CCNL1: variants seen among roughly 807,000 people sequenced by gnomAD.
CCNL1 encodes cyclin-L1.
In CCNL1, 13 loss-of-function variants were observed where a neutral mutation model predicts 60.6. The ratio of observed to expected loss-of-function variants is 0.21; its 90% CI spans 0.14 to 0.34. The LOEUF (loss-of-function observed/expected upper bound fraction) is 0.34. Ranked by LOEUF, CCNL1 falls within the 10% of genes least tolerant of loss-of-function variation. The probability of loss-of-function intolerance (pLI) is 1.00; values close to 1 mark genes in which losing one functional copy is unlikely to be tolerated. For missense variants in CCNL1, 481 were observed against 664.3 expected (o/e 0.72, Z 3.03); for synonymous variants, 270 against 244.3 (o/e 1.10, Z -0.98).
At chr3:157,151,508 T>C (rs960126565) in intron 5 of CCNL1, 5 of 985,814 alleles carry the variant, frequency 5.1e-6, no homozygotes, top group African/African-American at 1.7e-5. Flanking sequence ...CAAGCAGTTA[T>C]ATAAATTAAG....
At chr3:157,158,586 C>T (rs947836871) in intron 3 of CCNL1, 5 of 244,478 alleles carry the variant, frequency 2.0e-5, no homozygotes, top group African/African-American at 1.2e-4. Flanking sequence ...AAATGTACTC[C>T]CTTTCTTGTT....
At chr3:157,145,653 G>A (rs560676707), downstream of CCNL1, among the ~76,000 whole-genome samples, 18 of 152,210 alleles carry the variant, frequency 1.2e-4, 1 homozygote, top group South Asian at 3.5e-3. Flanking sequence ...TAAAATACCT[G>A]GTGGATGAGG....
In CCNL1 at chr3:157,149,973, T is replaced by C; in HGVS notation, c.884A>G (p.Asn295Ser). 1 of 1,598,858 alleles carries C rather than the reference T, an allele frequency of 6.3e-7. No homozygotes were observed. The highest frequency in any genetic ancestry group is 1.7e-4 in the Middle Eastern group (1 of 6,048). ...TLRLYTRKKPNYELLEKEVEK... is the reference protein window; with the variant it reads ...TLRLYTRKKPSYELLEKEVEK... ...TACTTCTTTTTCCAGTAATTCATAGTTTGGCTGTTGGAGGAAAAAAAAGTT... is the reference window on the plus strand; with the variant it reads ...TACTTCTTTTTCCAGTAATTCATAGCTTGGCTGTTGGAGGAAAAAAAAGTT... The change falls in exon 8 of 11, where the codon AAC becomes AGC. Residue 295 changes from asparagine to serine, a missense_variant. Physicochemically the swap from Asn to Ser is conservative, Grantham distance 46. Around this residue, in one of 5 missense-constraint regions of CCNL1, gnomAD observed 75 missense variants for 129.6 expected, o/e 0.58. Transcript: ENST00000295926.
At chr3:157,151,048 CAAAG>C (rs929703850) in intron 5 of CCNL1, 2 of 984,828 alleles carry the variant, frequency 2.0e-6, no homozygotes, top group Middle Eastern at 5.2e-4. Context: ...CCTAAACTAT[CAAAG>C]AAATTTTACA....
rs772871583 is a variant in CCNL1 at position 157,149,613 on chromosome 3, TAAC to T, written c.1022-20_1022-18del. On this transcript the variant is annotated intron_variant, in intron 8 of 10. Coordinates refer to ENST00000295926, the MANE Select transcript of CCNL1 (RefSeq NM_020307.4). ...TTGGTGATGCTTTTAAAAGATATAA[TAAC>T]AACATGTTAACTACTGGATTTAACA... The T allele has an allele frequency of 3.1e-6, 5 of 1,602,078 alleles. No homozygotes were observed. Among genetic ancestry groups the T allele is most frequent in the South Asian group, 2.2e-5 (2 of 90,298 alleles).
At position 157,147,817 on chromosome 3, in the gene CCNL1, A is replaced by G; in HGVS notation, c.*424T>C. On this transcript the variant is annotated 3_prime_UTR_variant, in exon 11 of 11. Transcript: ENST00000295926. ...GCAGTTTAGAAAAAACAAGATTTGTATTTTATTTCCTTGTAAAAATCTTTA... is the reference window on the plus strand; with the variant it reads ...GCAGTTTAGAAAAAACAAGATTTGTGTTTTATTTCCTTGTAAAAATCTTTA... 2.0e-6 allele frequency: 2 copies of G among 985,754 alleles called. No individual in the cohort carries two copies. The highest frequency in any genetic ancestry group is 1.7e-5 in the African/African-American group (1 of 57,388). 61.1% of individuals were successfully genotyped at this position (985,754 alleles called of 1,614,324 possible).
At chr3:157,152,914 T>A in intron 4 of CCNL1, 122 bp downstream of exon 4, 1 of 1,513,512 alleles carries the variant, frequency 6.6e-7, no homozygotes, top group Non-Finnish European at 8.8e-7. Flanking sequence ...AGCCTGAACC[T>A]TTAAAAGAAT....
At position 157,160,098 on chromosome 3, in the gene CCNL1, C is replaced by T; in HGVS notation, c.-4G>A. Reference sequence around the variant, plus strand: ...TCGAATGAGGCCCGGACGCCATAGTCTTAGCGAGCCGCACGCAAGCCCAAC... The same window carrying T: ...TCGAATGAGGCCCGGACGCCATAGTTTTAGCGAGCCGCACGCAAGCCCAAC... On this transcript the variant is annotated 5_prime_UTR_variant, in exon 1 of 11. Transcript: ENST00000295926. 3 of 1,538,306 alleles carry T rather than the reference C, an allele frequency of 2.0e-6. No individual in the cohort carries two copies. The highest frequency in any genetic ancestry group is 2.6e-6 in the Non-Finnish European group (3 of 1,140,148).
At position 157,150,169 on chromosome 3, in the gene CCNL1, T is replaced by C. The variant is rs377049102; in HGVS notation, c.775A>G (p.Ile259Val). 1.9e-6 allele frequency: 3 copies of C among 1,611,066 alleles called. No individual in the cohort carries two copies. Among genetic ancestry groups the C allele is most frequent in the Non-Finnish European group, 2.5e-6 (3 of 1,179,140 alleles). ...CAATGGGGACGAGTTGGCAACGGAATCTAAACCATAAGAACAGAATGTTTT... is the reference window on the plus strand; with the variant it reads ...CAATGGGGACGAGTTGGCAACGGAACCTAAACCATAAGAACAGAATGTTTT... ...CIYLAARALQIPLPTRPHWFL... is the reference protein window; with the variant it reads ...CIYLAARALQVPLPTRPHWFL... Residue 259 changes from isoleucine (I) to valine (V), a missense_variant and splice_region_variant, in exon 7 of 11, where the codon ATT becomes GTT. This residue lies in a region of CCNL1 where 75 missense variants were observed against 129.6 expected (regional missense o/e 0.58). Transcript: ENST00000295926.
intron 3 of CCNL1, chr3:157,153,552 G>A (rs1355053167): frequency 6.3e-6 from 1 of 158,906 alleles, no homozygotes; most frequent in Non-Finnish European, 1.4e-5. Flanking sequence ...GCTCCAGGCT[G>A]GTCCGATGGT....
At chr3:157,158,704 T>C (rs760214446) in intron 3 of CCNL1, 162 bp downstream of exon 3, 40 of 524,582 alleles carry the variant, frequency 7.6e-5, no homozygotes, top group Non-Finnish European at 1.2e-4. Context: ...TTTTTTCAAA[T>C]TATTTTAAGT....
Position 157,153,214 on chromosome 3 carries a change from G to T in CCNL1, c.489-58C>A, listed in dbSNP as rs1738335571. On this transcript the variant is annotated intron_variant, in intron 3 of 10. Transcript: ENST00000295926. ...TTTGCACATCCAAAAAATTTTATTT[G>T]TGGCATCTCCATTTTCCCTTCCAAC... 5.8e-6 allele frequency: 9 copies of T among 1,557,328 alleles called. No individual in the cohort carries two copies. In the East Asian group the frequency reaches 2.0e-4, roughly 35 times the overall value.
In CCNL1 at chr3:157,149,280, T is replaced by C. The variant is rs1737988030; in HGVS notation, c.1232+7A>G. 6 of 1,595,402 alleles carry C rather than the reference T, an allele frequency of 3.8e-6. No individual in the cohort carries two copies. Among genetic ancestry groups the C allele is most frequent in the African/African-American group, 1.3e-5 (1 of 74,578 alleles). On this transcript the variant is annotated splice_region_variant and intron_variant, in intron 10 of 10. Transcript: ENST00000295926. ...AAGACTGCTTCCCTAAGAAAACATT[T>C]ACTTACTGTCTTCTTGGAGTATGTG...
Position 157,160,012 on chromosome 3 carries a change from C to G in CCNL1, c.83G>C (p.Gly28Ala), listed in dbSNP as rs1448256246. 1 of 1,571,850 alleles carries G rather than the reference C, an allele frequency of 6.4e-7. No homozygotes were observed. Among genetic ancestry groups the G allele is most frequent in the Non-Finnish European group, 8.6e-7 (1 of 1,159,016 alleles). Residue 28 changes from glycine to alanine, a missense_variant, in exon 1 of 11, where the codon GGG becomes GCG. By Grantham distance (60) the Gly-to-Ala change is moderately conservative (BLOSUM62 0). Coordinates refer to ENST00000295926, the MANE Select transcript of CCNL1 (RefSeq NM_020307.4). ...AAPSAGGSSSGTTTTTTTTTG... is the reference protein window; with the variant it reads ...AAPSAGGSSSATTTTTTTTTG... Reference sequence around the variant, plus strand: ...CGTGGTCGTCGTCGTGGTCGTCGTCCCGGAGCTGGAGCCGCCCGCGCTTGG... The same window carrying G: ...CGTGGTCGTCGTCGTGGTCGTCGTCGCGGAGCTGGAGCCGCCCGCGCTTGG...
intron 3 of CCNL1, among the ~76,000 whole-genome samples, chr3:157,155,422 T>G (rs963758242): frequency 5.3e-5 from 8 of 152,188 alleles, no homozygotes; most frequent in Admixed American, 5.2e-4. Context: ...TTTGTTTTTG[T>G]GTCAAAATGC....
chr3:157,155,602 A>G (rs1738554077), intron 3 of CCNL1, among the ~76,000 whole-genome samples: 1 of 152,186 alleles, frequency 6.6e-6, no homozygotes, highest in African/African-American at 2.4e-5. Flanking sequence ...AATTGGTTCT[A>G]CCTCACAAAT....
chr3:157,159,769 C>A, intron 1 of CCNL1, 23 bp downstream of exon 1: 1 of 1,508,322 alleles, frequency 6.6e-7, no homozygotes, highest in South Asian at 1.2e-5. Context: ...AGCGCCCGGC[C>A]GGCCCGGGGC....
Position 157,148,589 on chromosome 3 carries a change from G to A in CCNL1, c.1233C>T (p.His411=). 2 of 1,577,116 alleles carry A rather than the reference G, an allele frequency of 1.3e-6. No individual in the cohort carries two copies. The highest frequency in any genetic ancestry group is 1.7e-6 in the Non-Finnish European group (2 of 1,165,162). The change falls in exon 11 of 11, where the codon CAC becomes CAT. Residue 411 remains histidine (H), a splice_region_variant and synonymous_variant. Coordinates refer to ENST00000295926, the MANE Select transcript of CCNL1 (RefSeq NM_020307.4). ...SRSRSHTPRR[H]YNNRRSRSGT... is the part of the protein sequence containing the mutation. ...CAGATCGACTCCGCCTATTATTATAGCTTAGATAATAAAAATTTGAAGTTT... is the reference window on the plus strand; with the variant it reads ...CAGATCGACTCCGCCTATTATTATAACTTAGATAATAAAAATTTGAAGTTT...
chr3:157,150,855 G>T, intron 5 of CCNL1: 2 of 986,036 alleles, frequency 2.0e-6, no homozygotes, highest in Non-Finnish European at 2.4e-6. Context: ...TTTTCAGTAA[G>T]TACCAAGTTA....
Sources: allele counts gnomAD v4.1 joint callset (sites outside exome capture counted in the v4.1 genomes callset), GRCh38; gene constraint gnomAD v4.1.1; regional missense constraint gnomAD v4.1.1; transcripts MANE v1.5; gene names NCBI Gene and HGNC (gene_info 2026-07-23, HGNC 2026-07-21).